The following ACSS3 variants were observed in gnomAD, a reference collection of about 807,000 sequenced individuals.
ACSS3 encodes acyl-CoA synthetase short chain family member 3, also known as acyl-CoA synthetase short-chain family member 3, mitochondrial.
ACSS3 carries 64 observed loss-of-function variants against 84.2 expected under a neutral mutation model. The ratio of observed to expected loss-of-function variants is 0.76; its 90% CI spans 0.62 to 0.94. ACSS3 has a LOEUF of 0.94. Among genes scored for constraint, ACSS3 ranks in the 40% least tolerant of loss-of-function variants. The pLI, the probability that ACSS3 is intolerant of heterozygous loss-of-function variation, is 0.00. For synonymous variants in ACSS3, 317 were observed against 310.1 expected, an observed-to-expected ratio of 1.02 and a Z score of -0.23; for missense variants, 815 against 867.6, an observed-to-expected ratio of 0.94 and a Z score of 0.76.
At chr12:81,213,126 G>T (rs79890145) in intron 9 of ACSS3, among the ~76,000 whole-genome samples, 4,362 of 152,140 alleles carry the variant, frequency 0.029, 234 homozygotes, top group African/African-American at 0.1. Flanking sequence ...TAGATTTCTT[G>T]TCTCCATAAA....
chr12:81,133,640 C>T (rs1885639879), intron 2 of ACSS3, among the ~76,000 whole-genome samples: 1 of 152,082 alleles, frequency 6.6e-6, no homozygotes. Flanking sequence ...ACATCCACCC[C>T]TTCCCCTGCA....
chr12:81,216,183 T>C (rs1162310057), intron 9 of ACSS3, among the ~76,000 whole-genome samples: 2 of 151,358 alleles, frequency 1.3e-5, no homozygotes, highest in Non-Finnish European at 2.9e-5. Flanking sequence ...GTGTGTAATC[T>C]TTTTTTATTT....
At chr12:81,087,081 A>G (rs1028368892) in intron 1 of ACSS3, among the ~76,000 whole-genome samples, 5 of 152,132 alleles carry the variant, frequency 3.3e-5, no homozygotes, top group African/African-American at 1.2e-4. Context: ...GTGAATTTTG[A>G]GTTTGAAGGA....
chr12:81,221,593 A>G (rs144837498), intron 11 of ACSS3, among the ~76,000 whole-genome samples: 3 of 152,224 alleles, frequency 2.0e-5, no homozygotes, highest in African/African-American at 7.2e-5. Flanking sequence ...TTACTTTGTT[A>G]AAAGTTTCCA....
intron 8 of ACSS3, among the ~76,000 whole-genome samples, chr12:81,184,584 G>C (rs1317264974): frequency 6.6e-6 from 1 of 151,736 alleles, no homozygotes; most frequent in African/African-American, 2.4e-5. Context: ...AAATAAAAGT[G>C]AAGAAATTCT....
At chr12:81,223,464 A>G (rs2033175813) in intron 11 of ACSS3, among the ~76,000 whole-genome samples, 1 of 152,080 alleles carries the variant, frequency 6.6e-6, no homozygotes, top group Non-Finnish European at 1.5e-5. Flanking sequence ...AGTATAACTA[A>G]GCATGTCACA....
intron 2 of ACSS3, among the ~76,000 whole-genome samples, chr12:81,120,188 G>C (rs1036885879): frequency 1.3e-5 from 2 of 152,174 alleles, no homozygotes; most frequent in South Asian, 2.1e-4. Flanking sequence ...TGCACCCTGA[G>C]AACAAAACCA....
intron 13 of ACSS3, among the ~76,000 whole-genome samples, chr12:81,251,422 G>A (rs892279709): frequency 6.6e-5 from 10 of 152,064 alleles, no homozygotes; most frequent in African/African-American, 1.2e-4. Context: ...TACAACAAAT[G>A]TATTGCTCTG....
rs752543362 is a variant in ACSS3, at chr12:81,231,038, T to A, written c.1515-19T>A. On this transcript the variant is annotated intron_variant, in intron 11 of 15. Coordinates refer to ENST00000548058, the MANE Select transcript of ACSS3 (RefSeq NM_024560.4). Reference sequence around the variant, plus strand: ...TTACCACTTTCATCATAATTTTAACTTCTCTGTTTTTATATAAGGTTACCA... The same window carrying A: ...TTACCACTTTCATCATAATTTTAACATCTCTGTTTTTATATAAGGTTACCA... 7 of 1,581,986 alleles carry A rather than the reference T, an allele frequency of 4.4e-6. No individual in the cohort carries two copies. In the Admixed American group the frequency reaches 1.2e-4, roughly 27 times the overall value.
At position 81,098,151 on chromosome 12, in the gene ACSS3, A is replaced by AGAGAGAGTGTGT. The variant is rs369995298; in HGVS notation, c.312-11408_312-11407insAGAGAGTGTGTG. ...GTATGAGAGAGAGAGAGAGAGAGAG[A>AGAGAGAGTGTGT]GTGTGTGTGTGTGTGTGTGTGTGTG... On this transcript the variant is annotated intron_variant, in intron 1 of 15. Coordinates refer to ENST00000548058, the MANE Select transcript of ACSS3 (RefSeq NM_024560.4). Among the ~76,000 whole-genome samples, 157 of 129,306 alleles carry AGAGAGAGTGTGT rather than the reference A, an allele frequency of 1.2e-3. 1 individual carries two copies. The highest frequency in any genetic ancestry group is 3.8e-3 in the Middle Eastern group (1 of 262). The allele number at this position is 129,306 out of a possible 152,430, so 84.8% of individuals were successfully genotyped here. A position where few individuals can be genotyped will look rare whatever the true frequency, so the allele number is the denominator to read the frequency against.
intron 9 of ACSS3, among the ~76,000 whole-genome samples, chr12:81,215,741 A>C (rs151005165): frequency 6.6e-6 from 1 of 152,274 alleles, no homozygotes; most frequent in African/African-American, 2.4e-5. Flanking sequence ...TCGTACATAT[A>C]TATTTTGTAT....
At chr12:81,167,152 T>G (rs1034873757) in intron 7 of ACSS3, among the ~76,000 whole-genome samples, 1 of 152,238 alleles carries the variant, frequency 6.6e-6, no homozygotes, top group African/African-American at 2.4e-5. Flanking sequence ...CAGTTTCCAT[T>G]CTCTGCTTCA....
At chr12:81,090,826 C>T (rs974918090) in intron 1 of ACSS3, among the ~76,000 whole-genome samples, 2 of 151,972 alleles carry the variant, frequency 1.3e-5, no homozygotes, top group Admixed American at 6.6e-5. Flanking sequence ...AAATACTTCA[C>T]CTATGTGGGG....
At chr12:81,197,750 C>T (rs1233598989) in intron 8 of ACSS3, among the ~76,000 whole-genome samples, 1 of 152,098 alleles carries the variant, frequency 6.6e-6, no homozygotes, top group African/African-American at 2.4e-5. Context: ...ATTTTTCTCA[C>T]CTTGCCTTCA....
At position 81,078,082 on chromosome 12, in the gene ACSS3, A is replaced by G. The variant is rs1418024355; in HGVS notation, c.-39A>G. 5.5e-6 allele frequency: 8 copies of G among 1,447,494 alleles called. No homozygotes were observed. The highest frequency in any genetic ancestry group is 1.4e-5 in the African/African-American group (1 of 69,522). 89.7% of individuals were successfully genotyped at this position (1,447,494 alleles called of 1,614,324 possible). On this transcript the variant is annotated 5_prime_UTR_variant, in exon 1 of 16. Coordinates refer to ENST00000548058, the MANE Select transcript of ACSS3 (RefSeq NM_024560.4). ...GGCCCCAGGAAGTTGCAAGAGTACC[A>G]TTTGTCGCACACTCGGGGACCGCGG...
At position 81,078,129 on chromosome 12, in the gene ACSS3, G is replaced by A; in HGVS notation, c.9G>A (p.Pro3=). The change falls in exon 1 of 16, where the codon CCG becomes CCA. Residue 3 remains proline (P), a synonymous_variant. Coordinates refer to ENST00000548058, the MANE Select transcript of ACSS3 (RefSeq NM_024560.4). ...GCGGGTGGCCGGAGGAGATGAAACCGTCTTGGCTGCAGTGTCGTAAAGTCA... is the reference window on the plus strand; with the variant it reads ...GCGGGTGGCCGGAGGAGATGAAACCATCTTGGCTGCAGTGTCGTAAAGTCA... MK[P]SWLQCRKVTS... is the part of the protein sequence containing the mutation. 4 of 1,484,500 alleles carry A rather than the reference G, an allele frequency of 2.7e-6. No individual in the cohort carries two copies. The highest frequency in any genetic ancestry group is 3.6e-6 in the Non-Finnish European group (4 of 1,120,068). The allele number at this position is 1,484,500 out of a possible 1,614,324, so 92.0% of individuals were successfully genotyped here. A position where few individuals can be genotyped will look rare whatever the true frequency, so the allele number is the denominator to read the frequency against.
chr12:81,100,981 T>G (rs1210320098), intron 1 of ACSS3, among the ~76,000 whole-genome samples: 1 of 152,216 alleles, frequency 6.6e-6, no homozygotes, highest in Non-Finnish European at 1.5e-5. Context: ...AAAATCATGA[T>G]AGACAGCAGG....
chr12:81,130,311 C>T (rs899872447), intron 2 of ACSS3, among the ~76,000 whole-genome samples: 17 of 152,070 alleles, frequency 1.1e-4, no homozygotes, highest in African/African-American at 3.6e-4. Context: ...TTTTAATGAT[C>T]GCCATTCTAA....
chr12:81,182,125 A>G (rs2030978112), intron 8 of ACSS3, among the ~76,000 whole-genome samples: 2 of 152,332 alleles, frequency 1.3e-5, no homozygotes, highest in African/African-American at 4.8e-5. Context: ...CAAAAGTCAT[A>G]TACAGAGAGA....
Sources: gnomAD v4.1 joint callset for allele counts (sites outside exome capture counted in the v4.1 genomes callset) on GRCh38, gnomAD v4.1.1 for gene constraint, MANE v1.5 for transcripts, NCBI Gene and HGNC (gene_info 2026-07-23, HGNC 2026-07-21) for gene names.